Variants in PPFIBP1 observed in about 807,000 individuals in gnomAD.
PPFIBP1 encodes the protein liprin-beta-1.
Under a neutral mutation model 137.8 loss-of-function variants are expected in PPFIBP1, and 112 were observed. The observed-to-expected ratio is 0.81, with a 90% CI of 0.70 to 0.95. The LOEUF (loss-of-function observed/expected upper bound fraction) is 0.95, where lower values mean the gene tolerates loss of function less well. PPFIBP1 is among the 40% of genes least tolerant of loss of function. The pLI is 0.00. For missense variants in PPFIBP1, 1,083 were observed against 1,196.6 expected, an observed-to-expected ratio of 0.91 and a Z score of 1.40; for synonymous variants, 378 against 417.3, an observed-to-expected ratio of 0.91 and a Z score of 1.15.
At chr12:27,588,480 T>A (rs1451585235) in intron 2 of PPFIBP1, among the ~76,000 whole-genome samples, 1 of 152,188 alleles carries the variant, frequency 6.6e-6, no homozygotes, top group Non-Finnish European at 1.5e-5. Flanking sequence ...AAAAGACGCA[T>A]GACAGAAGGA....
intron 1 of PPFIBP1, among the ~76,000 whole-genome samples, chr12:27,565,751 A>G (rs2049593670): frequency 6.6e-6 from 1 of 152,156 alleles, no homozygotes; most frequent in Admixed American, 6.5e-5. Flanking sequence ...TTTAACACCT[A>G]CAGTCGTTTG....
At chr12:27,673,718 A>C in intron 15 of PPFIBP1, 49 bp from the exon 16 acceptor site, 1 of 1,488,982 alleles carries the variant, frequency 6.7e-7, no homozygotes, top group Non-Finnish European at 9.3e-7. Flanking sequence ...ACTTAGAAAC[A>C]GTGGCACTGG....
intron 2 of PPFIBP1, among the ~76,000 whole-genome samples, chr12:27,595,884 AAAATATATATATATATAT>A (rs1565837779): frequency 9.0e-5 from 5 of 55,604 alleles, no homozygotes; most frequent in Non-Finnish European, 1.4e-4. Flanking sequence ...CAACAACAAC[AAAATATATATATATATAT>A]ATATATATAT....
intron 1 of PPFIBP1, among the ~76,000 whole-genome samples, chr12:27,531,980 G>C (rs930295883): frequency 6.6e-6 from 1 of 152,156 alleles, no homozygotes; most frequent in South Asian, 2.1e-4. Context: ...GTTACTAGCT[G>C]TGTGATTTTG....
intron 4 of PPFIBP1, among the ~76,000 whole-genome samples, chr12:27,638,865 A>G (rs955584450): frequency 5.9e-5 from 9 of 151,620 alleles, no homozygotes; most frequent in Admixed American, 5.3e-4. Flanking sequence ...TAACAGACAT[A>G]TAATTAAGGT....
At chr12:27,620,390 A>G (rs1156889805) in intron 2 of PPFIBP1, among the ~76,000 whole-genome samples, 1 of 152,118 alleles carries the variant, frequency 6.6e-6, no homozygotes, top group African/African-American at 2.4e-5. Flanking sequence ...AACATCAACT[A>G]CATGAAGCTC....
chr12:27,597,634 G>T (rs1421356243), intron 2 of PPFIBP1, among the ~76,000 whole-genome samples: 1 of 152,056 alleles, frequency 6.6e-6, no homozygotes, highest in Non-Finnish European at 1.5e-5. Context: ...GAGAAACTAT[G>T]TTTTGTCATT....
chr12:27,665,428 T>C (rs911456623), intron 12 of PPFIBP1, among the ~76,000 whole-genome samples: 2 of 152,120 alleles, frequency 1.3e-5, no homozygotes, highest in African/African-American at 4.8e-5. Flanking sequence ...ACTGGGTAGA[T>C]GATGGTTCCA....
At chr12:27,674,974 G>T (rs971143228) in intron 17 of PPFIBP1, among the ~76,000 whole-genome samples, 3 of 86,618 alleles carry the variant, frequency 3.5e-5, no homozygotes, top group Admixed American at 3.4e-4. Flanking sequence ...CACCATACTC[G>T]GCTGTTTTTT....
At chr12:27,559,766 A>G (rs140655308) in intron 1 of PPFIBP1, among the ~76,000 whole-genome samples, 73 of 152,346 alleles carry the variant, frequency 4.8e-4, no homozygotes, top group African/African-American at 1.6e-3. Context: ...CTCCTTCCAG[A>G]CACAAAAATT....
At chr12:27,620,359 G>C (rs4931203) in intron 2 of PPFIBP1, among the ~76,000 whole-genome samples, 150,302 of 152,274 alleles carry the variant, frequency 0.99, 74,207 homozygotes, top group East Asian at 1. Context: ...TGGCTCACCA[G>C]CTTCCGGCCC....
At position 27,591,315 on chromosome 12, in the gene PPFIBP1, A is replaced by G. The variant is rs573035774; in HGVS notation, c.-36+13076A>G. Among the ~76,000 whole-genome samples, 5 of 152,170 alleles carry G rather than the reference A, an allele frequency of 3.3e-5. No homozygotes were observed. In the South Asian group the frequency reaches 8.3e-4, roughly 25 times the overall value. On this transcript the variant is annotated intron_variant, in intron 2 of 29. Transcript: ENST00000228425. ...AAGGAGGACGTTGAGTGAACCTGTGATTGAATGAGGAGGATGGTAGAGATG... is the reference window on the plus strand; with the variant it reads ...AAGGAGGACGTTGAGTGAACCTGTGGTTGAATGAGGAGGATGGTAGAGATG...
chr12:27,645,838 G>C (rs2058437951), intron 4 of PPFIBP1, among the ~76,000 whole-genome samples: 1 of 152,176 alleles, frequency 6.6e-6, no homozygotes, highest in South Asian at 2.1e-4. Flanking sequence ...TGCTTGATAA[G>C]AAATTGTTTA....
intron 2 of PPFIBP1, among the ~76,000 whole-genome samples, chr12:27,605,269 A>G (rs1592794095): frequency 6.6e-6 from 1 of 152,234 alleles, no homozygotes; most frequent in Admixed American, 6.5e-5. Context: ...TGGGAAAATT[A>G]GAAGCTATAA....
At chr12:27,530,093 A>C (rs190985306) in intron 1 of PPFIBP1, among the ~76,000 whole-genome samples, 1 of 152,202 alleles carries the variant, frequency 6.6e-6, no homozygotes, top group Non-Finnish European at 1.5e-5. Flanking sequence ...TACTTTTTTC[A>C]TCTAGTGACT....
At chr12:27,565,022 ATTC>A (rs1429741024) in intron 1 of PPFIBP1, among the ~76,000 whole-genome samples, 1 of 152,180 alleles carries the variant, frequency 6.6e-6, no homozygotes, top group African/African-American at 2.4e-5. Flanking sequence ...CAGTCCTTTG[ATTC>A]TTCATCTCCT....
At chr12:27,680,087 T>C in intron 21 of PPFIBP1, 26 bp downstream of exon 21, 1 of 1,612,310 alleles carries the variant, frequency 6.2e-7, no homozygotes, top group Non-Finnish European at 8.5e-7. Context: ...TGATAGACTT[T>C]TGCATCTCTA....
chr12:27,556,207 C>T (rs1156374039), intron 1 of PPFIBP1, among the ~76,000 whole-genome samples: 1 of 152,102 alleles, frequency 6.6e-6, no homozygotes, highest in Admixed American at 6.6e-5. Context: ...AAGATCCCTG[C>T]CATATAGATG....
At chr12:27,578,662 T>G (rs528618762) in intron 2 of PPFIBP1, among the ~76,000 whole-genome samples, 403 of 152,362 alleles carry the variant, frequency 2.6e-3, no homozygotes, top group African/African-American at 8.9e-3. Flanking sequence ...GGTATTGGTT[T>G]CTCACAGGCA....
Sources: gnomAD v4.1 joint callset for allele counts (sites outside exome capture counted in the v4.1 genomes callset) on GRCh38, gnomAD v4.1.1 for gene constraint, MANE v1.5 for transcripts, NCBI Gene and HGNC (gene_info 2026-07-23, HGNC 2026-07-21) for gene names.